PTPRA: variants seen among roughly 807,000 people sequenced by gnomAD.
PTPRA encodes receptor-type tyrosine-protein phosphatase alpha.
Under a neutral mutation model 104.8 loss-of-function variants are expected in PTPRA, and 25 were observed. The observed-to-expected ratio is 0.24, with a 90% CI of 0.17 to 0.33. The LOEUF is 0.33. PTPRA is among the 10% of genes least tolerant of loss of function. The probability of loss-of-function intolerance (pLI) is 1.00; values close to 1 mark genes in which losing one functional copy is unlikely to be tolerated. For missense variants in PTPRA, 765 were observed against 1,015.3 expected, an observed-to-expected ratio of 0.75 and a Z score of 3.35; for synonymous variants, 323 against 368.9, an observed-to-expected ratio of 0.88 and a Z score of 1.43.
chr20:2,945,784 C>T (rs536465701), intron 2 of PTPRA, among the ~76,000 whole-genome samples: 1 of 151,852 alleles, frequency 6.6e-6, no homozygotes, highest in South Asian at 2.1e-4. Flanking sequence ...CAAAAATTAG[C>T]CAGACGTGGT....
the PTPRA span, chr20:2,866,554 G>T: frequency 6.2e-7 from 1 of 1,614,154 alleles, no homozygotes; most frequent in Non-Finnish European, 8.5e-7. Flanking sequence ...ACGGGCCAGG[G>T]CACAAGCCCA....
At chr20:2,865,533 G>C in the PTPRA span, 11 of 1,593,520 alleles carry the variant, frequency 6.9e-6, no homozygotes, top group Non-Finnish European at 9.4e-6. This position sits in a 1 kb window ranked among gnomAD's most constrained non-coding sequence, Gnocchi z 5.2. Flanking sequence ...CTTCCAGTGA[G>C]GGTAGTCTTC....
At chr20:2,918,460 C>T (rs1474387067) in intron 1 of PTPRA, among the ~76,000 whole-genome samples, 1 of 152,176 alleles carries the variant, frequency 6.6e-6, no homozygotes, top group Non-Finnish European at 1.5e-5. Flanking sequence ...CCGTAGTAAG[C>T]ATGGGACTTC....
chr20:2,935,621 G>A (rs1404664103), intron 2 of PTPRA, among the ~76,000 whole-genome samples: 2 of 152,106 alleles, frequency 1.3e-5, no homozygotes, highest in African/African-American at 4.8e-5. Context: ...CTCCAAGGCT[G>A]TAGCACAGTT....
intron 6 of PTPRA, among the ~76,000 whole-genome samples, chr20:2,976,345 A>G (rs937085785): frequency 6.6e-5 from 10 of 152,228 alleles, no homozygotes; most frequent in Non-Finnish European, 1.3e-4. Flanking sequence ...TAAAGTCAAA[A>G]GTCAAAGTGG....
intron 13 of PTPRA, among the ~76,000 whole-genome samples, chr20:3,018,216 GTT>G (rs2064569424): frequency 1.3e-5 from 2 of 150,230 alleles, no homozygotes; most frequent in Non-Finnish European, 3.0e-5. Flanking sequence ...TTTTGTTGTT[GTT>G]TTGTTTTGTT....
At chr20:2,909,911 A>T (rs1600097559) in intron 1 of PTPRA, among the ~76,000 whole-genome samples, 1 of 129,820 alleles carries the variant, frequency 7.7e-6, no homozygotes, top group Admixed American at 8.8e-5. Context: ...TATGACATAT[A>T]TATGTTATAT....
At chr20:2,954,750 T>C (rs562988316) in intron 3 of PTPRA, among the ~76,000 whole-genome samples, 5 of 152,242 alleles carry the variant, frequency 3.3e-5, no homozygotes, top group African/African-American at 1.2e-4. Flanking sequence ...GCTTTTGGTG[T>C]TATATCCAAG....
chr20:2,871,385 G>A (rs1254185798), upstream of PTPRA, among the ~76,000 whole-genome samples: 1 of 152,108 alleles, frequency 6.6e-6, no homozygotes, highest in East Asian at 1.9e-4. Flanking sequence ...ATTTTTCCAA[G>A]TGTGGTCATA....
intron 9 of PTPRA, among the ~76,000 whole-genome samples, chr20:2,992,262 A>G (rs1287314517): frequency 2.0e-5 from 3 of 152,128 alleles, no homozygotes; most frequent in African/African-American, 4.8e-5. Flanking sequence ...CATGCCTGTA[A>G]TCCCTGCACT....
the PTPRA span, among the ~76,000 whole-genome samples, chr20:2,867,553 TC>T: frequency 9.3e-5 from 14 of 149,808 alleles, no homozygotes; most frequent in African/African-American, 3.5e-4. Context: ...CCCTCTGCTC[TC>T]CCTGTCTAGC....
rs572694017 is a variant in PTPRA at position 2,964,714 on chromosome 20, C to T, written c.74-147C>T. ...GGAAAGGTCCAGCATGAGATAAAAA[C>T]GTAGGGGGTGGGTGGTGTTGAGGGG... is the stretch of plus-strand genomic sequence containing the variant. On this transcript the variant is annotated intron_variant, in intron 4 of 23. Coordinates refer to ENST00000399903, the MANE Select transcript of PTPRA (RefSeq NM_001385305.1). 1.1e-4 allele frequency: 77 copies of T among 697,062 alleles called. 1 individual carries two copies. The South Asian group carries it at 1.3e-3, about 12-fold the overall frequency. The allele number at this position is 697,062 out of a possible 1,614,324, so 43.2% of individuals were successfully genotyped here.
intron 3 of PTPRA, among the ~76,000 whole-genome samples, chr20:2,951,311 A>G (rs1445867651): frequency 6.6e-6 from 1 of 152,140 alleles, no homozygotes; most frequent in Non-Finnish European, 1.5e-5. Flanking sequence ...CATGTTAGCC[A>G]GGATGGTCTC....
chr20:2,914,492 A>C (rs531272355), intron 1 of PTPRA, among the ~76,000 whole-genome samples: 1 of 150,466 alleles, frequency 6.6e-6, no homozygotes, highest in East Asian at 2.0e-4. Context: ...CTGTGAGTTC[A>C]CACTGGTACC....
intron 1 of PTPRA, among the ~76,000 whole-genome samples, chr20:2,908,309 G>A (rs1391661827): frequency 6.6e-6 from 1 of 152,110 alleles, no homozygotes; most frequent in African/African-American, 2.4e-5. Flanking sequence ...GTTTCAAACT[G>A]CACAGGTCCA....
intron 2 of PTPRA, among the ~76,000 whole-genome samples, chr20:2,924,137 G>T (rs2060201585): frequency 6.6e-6 from 1 of 152,166 alleles, no homozygotes; most frequent in African/African-American, 2.4e-5. Flanking sequence ...TGTGATATAT[G>T]GTCAGGTGTG....
chr20:3,004,298 G>A (rs1475464763), intron 9 of PTPRA, among the ~76,000 whole-genome samples: 2 of 152,180 alleles, frequency 1.3e-5, no homozygotes, highest in East Asian at 3.8e-4. Flanking sequence ...GATTACAGGC[G>A]TGAGCCACTT....
At chr20:2,976,170 T>C (rs2062423586) in intron 6 of PTPRA, among the ~76,000 whole-genome samples, 1 of 152,232 alleles carries the variant, frequency 6.6e-6, no homozygotes, top group Non-Finnish European at 1.5e-5. Flanking sequence ...CCCTCACTTT[T>C]CCACCTCTCA....
intron 13 of PTPRA, among the ~76,000 whole-genome samples, chr20:3,018,377 T>C (rs530469622): frequency 3.1e-3 from 470 of 151,908 alleles, no homozygotes; most frequent in Non-Finnish European, 3.8e-3. Flanking sequence ...TGCGGCCTTC[T>C]GCAGTGTTTG....
Sources: allele counts gnomAD v4.1 joint callset (sites outside exome capture counted in the v4.1 genomes callset), GRCh38; gene constraint gnomAD v4.1.1; non-coding constraint Gnocchi (gnomAD v3.1); transcripts MANE v1.5; gene names NCBI Gene and HGNC (gene_info 2026-07-23, HGNC 2026-07-21).